GOLT1A: variants seen among roughly 807,000 people sequenced by gnomAD.
The protein encoded by GOLT1A is golgi transport 1A.
In GOLT1A, 10 loss-of-function variants were observed where a neutral mutation model predicts 16.1. That is an observed-to-expected ratio of 0.62 (90% CI 0.38 to 1.05). The LOEUF (loss-of-function observed/expected upper bound fraction) is 1.05, where lower values mean the gene tolerates loss of function less well. Ranked by LOEUF, GOLT1A falls within the 50% of genes least tolerant of loss-of-function variation. The pLI, the probability that GOLT1A is intolerant of heterozygous loss-of-function variation, is 0.01. For missense variants in GOLT1A, 137 were observed against 165.7 expected, an observed-to-expected ratio of 0.83 and a Z score of 0.95; for synonymous variants, 60 against 67.9, an observed-to-expected ratio of 0.88 and a Z score of 0.57.
In GOLT1A at chr1:204,198,354, T is replaced by C. The variant is rs559644096; in HGVS notation, c.*104A>G. The C allele has an allele frequency of 1.9e-6, 2 of 1,043,714 alleles. No homozygotes were observed. Among genetic ancestry groups the C allele is most frequent in the African/African-American group, 3.2e-5 (2 of 62,306 alleles). 64.7% of individuals were successfully genotyped at this position (1,043,714 alleles called of 1,614,324 possible). The stretch of plus-strand genomic sequence containing the variant: ...CCTTCTGGACTTGGGGAGGTCCGGA[T>C]ATGTCGGGGAGTGAGTCAGTGCAGG... On this transcript the variant is annotated 3_prime_UTR_variant, in exon 5 of 5. Transcript: ENST00000308302.
chr1:204,198,211 T>C lies in GOLT1A; in HGVS notation c.*247A>G, dbSNP rs1557983845. 4 of 504,426 alleles carry C rather than the reference T, an allele frequency of 7.9e-6. No individual in the cohort carries two copies. Among genetic ancestry groups the C allele is most frequent in the Middle Eastern group, 5.1e-4 (1 of 1,964 alleles). 31.2% of individuals were successfully genotyped at this position (504,426 alleles called of 1,614,324 possible). ...ATCTTCACTTTTCCTCCCATAAATA[T>C]AGAGTGAGGGTGTGATACCAGCCCC... On this transcript the variant is annotated 3_prime_UTR_variant, in exon 5 of 5. Transcript: ENST00000308302.
In GOLT1A at chr1:204,198,217, G is replaced by A. The variant is rs531375414; in HGVS notation, c.*241C>T. ...ACTTTTCCTCCCATAAATATAGAGTGAGGGTGTGATACCAGCCCCAGCCCA... is the reference window on the plus strand; with the variant it reads ...ACTTTTCCTCCCATAAATATAGAGTAAGGGTGTGATACCAGCCCCAGCCCA... On this transcript the variant is annotated 3_prime_UTR_variant, in exon 5 of 5. Coordinates refer to ENST00000308302, the MANE Select transcript of GOLT1A (RefSeq NM_198447.2). 49 of 523,904 alleles carry A rather than the reference G, an allele frequency of 9.4e-5. No homozygotes were observed. Among genetic ancestry groups the A allele is most frequent in the Non-Finnish European group, 1.5e-4 (46 of 297,268 alleles). The allele number at this position is 523,904 out of a possible 1,614,324, so 32.5% of individuals were successfully genotyped here.
intron 1 of GOLT1A, among the ~76,000 whole-genome samples, chr1:204,203,220 A>G (rs866010862): frequency 3.9e-5 from 6 of 152,196 alleles, no homozygotes; most frequent in Non-Finnish European, 4.4e-5. Flanking sequence ...ACACAGTGGC[A>G]TGCTGTCCTC....
chr1:204,199,034 G>T, intron 4 of GOLT1A, 161 bp downstream of exon 4: 1 of 626,830 alleles, frequency 1.6e-6, no homozygotes, highest in Non-Finnish European at 2.9e-6. Flanking sequence ...GAAGGTGCGG[G>T]GGGAAGAGGA....
At chr1:204,203,514 G>T (rs1425219640) in intron 1 of GOLT1A, among the ~76,000 whole-genome samples, 2 of 152,122 alleles carry the variant, frequency 1.3e-5, no homozygotes, top group African/African-American at 4.8e-5. Context: ...TCTCCACACT[G>T]CCTCCTTCCT....
At chr1:204,202,309 G>A (rs1475118200) in intron 2 of GOLT1A, among the ~76,000 whole-genome samples, 1 of 151,182 alleles carries the variant, frequency 6.6e-6, no homozygotes, top group Non-Finnish European at 1.5e-5. Flanking sequence ...AGAGTGCCCA[G>A]GCTCTCATCA....
intron 1 of GOLT1A, 150 bp from the exon 2 acceptor site, chr1:204,203,137 G>A: frequency 4.6e-6 from 3 of 650,346 alleles, no homozygotes; most frequent in Non-Finnish European, 8.4e-6. Context: ...TCAGGGGATG[G>A]TGGGATGGGA....
intron 4 of GOLT1A, 102 bp downstream of exon 4, chr1:204,199,093 G>A (rs1189487414): frequency 1.0e-6 from 1 of 996,306 alleles, no homozygotes; most frequent in Non-Finnish European, 1.5e-6. Flanking sequence ...AGACAGGGGA[G>A]AGGCCACTGC....
chr1:204,201,670 T>C lies in GOLT1A; in HGVS notation c.259A>G (p.Met87Val), dbSNP rs936690343. 1 of 1,614,112 alleles carries C rather than the reference T, an allele frequency of 6.2e-7. No individual in the cohort carries two copies. Among genetic ancestry groups the C allele is most frequent in the Non-Finnish European group, 8.5e-7 (1 of 1,180,002 alleles). ...AAGAATCCGTAGGTTTCCAGGAACA[T>C]GCCGAGGAGGGGCCAGCGTAGGAGC... The part of the protein sequence containing the change: ...IVLLRWPLLG[M>V]FLETYGFFSL... The change falls in exon 3 of 5, where the codon ATG (methionine) becomes GTG (valine). Residue 87 changes from methionine to valine, a missense_variant. By Grantham distance (21) the Met-to-Val change is conservative. Transcript: ENST00000308302.
At chr1:204,203,704 C>A (rs1281574296) in intron 1 of GOLT1A, among the ~76,000 whole-genome samples, 1 of 152,098 alleles carries the variant, frequency 6.6e-6, no homozygotes, top group East Asian at 1.9e-4. Context: ...GCGGGCCCCC[C>A]ACACACTCTT....
chr1:204,203,047 A>C, intron 1 of GOLT1A, 60 bp from the exon 2 acceptor site: 1 of 1,337,428 alleles, frequency 7.5e-7, no homozygotes, highest in Non-Finnish European at 1.1e-6. Context: ...GGGACCCTGA[A>C]ACTTCCCCCA....
intron 2 of GOLT1A, among the ~76,000 whole-genome samples, chr1:204,202,094 G>A (rs1658973419): frequency 6.6e-6 from 1 of 152,028 alleles, no homozygotes; most frequent in Non-Finnish European, 1.5e-5. Context: ...ATGGGACTTG[G>A]TTTCTCACCA....
At chr1:204,205,319 C>A (rs1659024798) in intron 1 of GOLT1A, among the ~76,000 whole-genome samples, 3 of 152,060 alleles carry the variant, frequency 2.0e-5, no homozygotes, top group African/African-American at 7.2e-5. Context: ...CTTTGATCTG[C>A]TTTGAGTTAC....
Position 204,202,970 on chromosome 1 carries a change from T to C in GOLT1A, c.43A>G (p.Thr15Ala), listed in dbSNP as rs758776964. The change falls in exon 2 of 5, where the codon ACC (threonine) becomes GCC (alanine). Residue 15 changes from threonine (T) to alanine (A), a missense_variant. By Grantham distance (58) the Thr-to-Ala change is moderately conservative. Transcript: ENST00000308302. ...TEWQKIGVGI[T>A]GFGIFFILFG... Reference sequence around the variant, plus strand: ...AGGATGAAGAAGATGCCGAAACCGGTGATCCCCACACCAATCTCTGCAATG... The same window carrying C: ...AGGATGAAGAAGATGCCGAAACCGGCGATCCCCACACCAATCTCTGCAATG... The C allele has an allele frequency of 6.2e-7, 1 of 1,613,874 alleles. No homozygotes were observed. The highest frequency in any genetic ancestry group is 1.3e-5 in the African/African-American group (1 of 74,984).
chr1:204,200,315 A>ATATATATATATATATATATATATC (rs1658934739), intron 3 of GOLT1A, among the ~76,000 whole-genome samples: 1 of 109,412 alleles, frequency 9.1e-6, no homozygotes, highest in Non-Finnish European at 1.8e-5. Context: ...ATATATATAT[A>ATATATATATATATATATATATATC]TATATGTTTT....
intron 1 of GOLT1A, among the ~76,000 whole-genome samples, chr1:204,204,240 C>A (rs947499549): frequency 6.6e-6 from 1 of 152,134 alleles, no homozygotes; most frequent in African/African-American, 2.4e-5. Context: ...TGGTATTAAG[C>A]GCATCTCCTG....
chr1:204,204,240 C>T (rs947499549), intron 1 of GOLT1A, among the ~76,000 whole-genome samples: 10 of 152,134 alleles, frequency 6.6e-5, no homozygotes, highest in Admixed American at 4.6e-4. Flanking sequence ...TGGTATTAAG[C>T]GCATCTCCTG....
chr1:204,212,973 A>G (rs949667542), intron 1 of GOLT1A, among the ~76,000 whole-genome samples: 3 of 151,984 alleles, frequency 2.0e-5, no homozygotes, highest in Non-Finnish European at 2.9e-5. Context: ...CCCTCCAGAG[A>G]GCTGCGTGGC....
intron 1 of GOLT1A, among the ~76,000 whole-genome samples, chr1:204,209,408 GGGGTT>G (rs1387063893): frequency 1.3e-5 from 2 of 152,116 alleles, no homozygotes; most frequent in African/African-American, 4.8e-5. Flanking sequence ...TCACCCTGCT[GGGGTT>G]CTAACACCCC....
Sources: gnomAD v4.1 joint callset for allele counts (sites outside exome capture counted in the v4.1 genomes callset) on GRCh38, gnomAD v4.1.1 for gene constraint, MANE v1.5 for transcripts, NCBI Gene and HGNC (gene_info 2026-07-23, HGNC 2026-07-21) for gene names.